Variants in ARID1A observed in about 807,000 individuals in gnomAD.
The protein encoded by ARID1A is AT-rich interactive domain-containing protein 1A.
A neutral mutation model predicts 212.6 loss-of-function variants in ARID1A; 20 were observed. That is an observed-to-expected ratio of 0.09 (90% CI 0.07 to 0.14). The LOEUF (loss-of-function observed/expected upper bound fraction) is 0.14, where lower values mean the gene tolerates loss of function less well. Among genes scored for constraint, ARID1A ranks in the 10% least tolerant of loss-of-function variants. ARID1A has a pLI of 1.00. For synonymous variants in ARID1A, 1,376 were observed against 1,222.1 expected (o/e 1.13, Z -2.63); for missense variants, 2,587 against 3,059.0 (o/e 0.85, Z 3.64).
rs1256548522 is a variant in ARID1A at position 26,781,842 on chromosome 1, C to G, written c.*1086C>G. Reference sequence around the variant, plus strand: ...CAATCAACTTATAGTTTATTTTTTTCTGGGTTTTTGTTTTGTTTTGTTTTC... The same window carrying G: ...CAATCAACTTATAGTTTATTTTTTTGTGGGTTTTTGTTTTGTTTTGTTTTC... On this transcript the variant is annotated 3_prime_UTR_variant, in exon 20 of 20. Coordinates refer to ENST00000324856, the MANE Select transcript of ARID1A (RefSeq NM_006015.6). 4.3e-6 allele frequency: 1 copy of G among 233,466 alleles called. No individual in the cohort carries two copies. Among genetic ancestry groups the G allele is most frequent in the Non-Finnish European group, 8.5e-6 (1 of 118,018 alleles). 14.5% of individuals were successfully genotyped at this position (233,466 alleles called of 1,614,324 possible).
chr1:26,713,980 G>T (rs1000157153), intron 1 of ARID1A, among the ~76,000 whole-genome samples: 1 of 152,202 alleles, frequency 6.6e-6, no homozygotes, highest in Non-Finnish European at 1.5e-5. Flanking sequence ...GGGTTAAAAT[G>T]AAATTAAGAT....
chr1:26,736,740 TA>T (rs1450050056), intron 4 of ARID1A, among the ~76,000 whole-genome samples: 1 of 147,842 alleles, frequency 6.8e-6, no homozygotes, highest in Non-Finnish European at 1.5e-5. Context: ...CCGTCTCTAC[TA>T]AAAATACAAA....
Position 26,782,044 on chromosome 1 carries a change from A to G in ARID1A, c.*1288A>G, listed in dbSNP as rs1351360742. Reference sequence around the variant, plus strand: ...GCTTAATGAATATCATTTATTCAGTATGAAATCTTTATACTATATGTTCCA... The same window carrying G: ...GCTTAATGAATATCATTTATTCAGTGTGAAATCTTTATACTATATGTTCCA... On this transcript the variant is annotated 3_prime_UTR_variant, in exon 20 of 20. Transcript: ENST00000324856. The G allele has an allele frequency of 4.3e-6, 1 of 231,278 alleles. No individual in the cohort carries two copies. The highest frequency in any genetic ancestry group is 8.6e-6 in the Non-Finnish European group (1 of 116,682). 14.3% of individuals were successfully genotyped at this position (231,278 alleles called of 1,614,324 possible). A position where few individuals can be genotyped will look rare whatever the true frequency, so the allele number is the denominator to read the frequency against.
rs2124741075 is a variant in ARID1A at position 26,696,672 on chromosome 1, G to C, written c.269G>C (p.Ser90Thr). 1.5e-6 allele frequency: 2 copies of C among 1,321,440 alleles called. No homozygotes were observed. Among genetic ancestry groups the C allele is most frequent in the African/African-American group, 1.5e-5 (1 of 64,588 alleles). The allele number at this position is 1,321,440 out of a possible 1,614,324, so 81.9% of individuals were successfully genotyped here. ...GGTGGCGGCGGCGGCGGAGCCGGCA[G>C]CGGCGGCGGGCCCGGCGCGGAGCCG... Reference protein sequence around the residue: ...NGGGGGGGAGSGGGPGAEPDL... With the variant: ...NGGGGGGGAGTGGGPGAEPDL... Residue 90 changes from serine to threonine, a missense_variant, in exon 1 of 20, where the codon AGC (serine) becomes ACC (threonine). By Grantham distance (58) the Ser-to-Thr change is moderately conservative. This residue lies in a region of ARID1A where 735 missense variants were observed against 590.6 expected (regional missense o/e 1.24). Coordinates refer to ENST00000324856, the MANE Select transcript of ARID1A (RefSeq NM_006015.6).
intron 1 of ARID1A, among the ~76,000 whole-genome samples, chr1:26,702,679 CTT>C (rs2080342684): frequency 6.6e-6 from 1 of 151,990 alleles, no homozygotes; most frequent in Non-Finnish European, 1.5e-5. Context: ...GGGAAAAAGA[CTT>C]GGGGATAGGA....
rs1388450919 is a variant in ARID1A, at chr1:26,774,069, A to G, written c.4101+171A>G. On this transcript the variant is annotated intron_variant, in intron 17 of 19. Transcript: ENST00000324856. This position sits in a 1 kb window ranked among gnomAD's most constrained non-coding sequence, Gnocchi z 5.6. ...GAGCCACGTCCTCAATCTCTTCTCT[A>G]TTTGGAGTTGGAAGGGGCTAGAAAT... The G allele has an allele frequency of 1.9e-6, 2 of 1,078,236 alleles. No homozygotes were observed. The highest frequency in any genetic ancestry group is 2.6e-6 in the Non-Finnish European group (2 of 760,526). 66.8% of individuals were successfully genotyped at this position (1,078,236 alleles called of 1,614,324 possible).
In ARID1A at chr1:26,780,699, G is replaced by T. The variant is rs2124153143; in HGVS notation, c.6801G>T (p.Met2267Ile). The change falls in exon 20 of 20, where the codon ATG becomes ATT. Residue 2267 changes from methionine to isoleucine, a missense_variant. Around this residue, in one of 11 missense-constraint regions of ARID1A, gnomAD observed 27 missense variants for 28.4 expected, o/e 0.95. Coordinates refer to ENST00000324856, the MANE Select transcript of ARID1A (RefSeq NM_006015.6). This position sits in a 1 kb window ranked among gnomAD's most constrained non-coding sequence, Gnocchi z 7.2. ...TGGACATCTCGGTATCACCGTTGAT[G>T]AACTCATTGGTTTCACAAGTCATTT... is the stretch of plus-strand genomic sequence containing the variant. ...RLLDISVSPL[M>I]NSLVSQVICD... 6.3e-7 allele frequency: 1 copy of T among 1,595,890 alleles called. No homozygotes were observed.
chr1:26,768,163 A>G (rs1028613647), intron 11 of ARID1A, among the ~76,000 whole-genome samples, 164 bp downstream of exon 11: 2 of 152,128 alleles, frequency 1.3e-5, no homozygotes, highest in African/African-American at 4.8e-5. Flanking sequence ...TTCCCAGAAG[A>G]TAAGGCAGGA....
intron 4 of ARID1A, among the ~76,000 whole-genome samples, chr1:26,737,308 G>A (rs1299269548): frequency 2.6e-5 from 4 of 152,056 alleles, no homozygotes; most frequent in African/African-American, 9.7e-5. Flanking sequence ...AGTAGAGATG[G>A]GGTTTCACGA....
chr1:26,763,350 T>C (rs1357344115), intron 8 of ARID1A, 65 bp downstream of exon 8: 10 of 1,476,970 alleles, frequency 6.8e-6, no homozygotes, highest in Admixed American at 2.4e-5. Flanking sequence ...ACTCAGATTA[T>C]TGAGATGCTT....
Position 26,768,007 on chromosome 1 carries a change from G to A in ARID1A, c.3198+8G>A, listed in dbSNP as rs1034702153. 3 of 1,612,826 alleles carry A rather than the reference G, an allele frequency of 1.9e-6. No individual in the cohort carries two copies. Among genetic ancestry groups the A allele is most frequent in the African/African-American group, 2.7e-5 (2 of 74,874 alleles). ...ATTGGTGGATTGACTCAGGTGAGTG[G>A]GCGCCTGACACTTGACTGCCCCTGT... is the stretch of plus-strand genomic sequence containing the variant. On this transcript the variant is annotated splice_region_variant and intron_variant, in intron 11 of 19. Transcript: ENST00000324856.
At chr1:26,729,460 T>C (rs2080651442) in intron 1 of ARID1A, 191 bp from the exon 2 acceptor site, 2 of 643,676 alleles carry the variant, frequency 3.1e-6, no homozygotes, top group Non-Finnish European at 5.4e-6. Context: ...TTTTCATTTT[T>C]CAAATGACAA....
intron 4 of ARID1A, among the ~76,000 whole-genome samples, chr1:26,745,597 C>A (rs1402357261): frequency 6.6e-6 from 1 of 152,152 alleles, no homozygotes; most frequent in East Asian, 1.9e-4. Context: ...CTCCCACCCC[C>A]AACTTTACAT....
chr1:26,736,796 G>A (rs1280043812), intron 4 of ARID1A, among the ~76,000 whole-genome samples: 6 of 151,532 alleles, frequency 4.0e-5, no homozygotes, highest in Non-Finnish European at 8.8e-5. Context: ...CATCTACTCG[G>A]GAGGCTGAGG....
At chr1:26,778,658 T>G in intron 19 of ARID1A, 1 of 171,734 alleles carries the variant, frequency 5.8e-6, no homozygotes, top group Non-Finnish European at 1.2e-5. Context: ...ATGGAGAGAG[T>G]GTCCTAAAAG....
intron 14 of ARID1A, 132 bp from the exon 15 acceptor site, chr1:26,773,214 A>C: frequency 1.5e-6 from 2 of 1,366,430 alleles, no homozygotes; most frequent in Non-Finnish European, 2.0e-6. Flanking sequence ...GGGCCTCTTT[A>C]GATCTCTGTT....
chr1:26,699,683 C>T (rs892908620), intron 1 of ARID1A, among the ~76,000 whole-genome samples: 1 of 152,202 alleles, frequency 6.6e-6, no homozygotes, highest in Non-Finnish European at 1.5e-5. Flanking sequence ...ATCCTATAGT[C>T]TGAACCTCTT....
intron 10 of ARID1A, among the ~76,000 whole-genome samples, 185 bp downstream of exon 10, chr1:26,766,751 G>T (rs2081043046): frequency 6.6e-6 from 1 of 152,180 alleles, no homozygotes; most frequent in South Asian, 2.1e-4. Context: ...AGTGAGTTGG[G>T]TCTGGGTTGG....
chr1:26,736,391 A>G (rs1477468425), intron 4 of ARID1A, among the ~76,000 whole-genome samples: 6 of 150,334 alleles, frequency 4.0e-5, no homozygotes, highest in Non-Finnish European at 5.9e-5. Flanking sequence ...GCACTTTGGG[A>G]GGCCGAGGCT....
Sources: allele counts gnomAD v4.1 joint callset (sites outside exome capture counted in the v4.1 genomes callset), GRCh38; gene constraint gnomAD v4.1.1; regional missense constraint gnomAD v4.1.1; non-coding constraint Gnocchi (gnomAD v3.1); transcripts MANE v1.5; gene names NCBI Gene and HGNC (gene_info 2026-07-23, HGNC 2026-07-21).